ANTXR1: variants seen among roughly 807,000 people sequenced by gnomAD.
ANTXR1 encodes anthrax toxin receptor 1.
A neutral mutation model predicts 78.1 loss-of-function variants in ANTXR1; 19 were observed. The ratio of observed to expected loss-of-function variants is 0.24; its 90% confidence interval spans 0.17 to 0.36. The LOEUF (loss-of-function observed/expected upper bound fraction) is 0.36. Among genes scored for constraint, ANTXR1 ranks in the 10% least tolerant of loss-of-function variants. The probability of loss-of-function intolerance (pLI) is 1.00; values close to 1 mark genes in which losing one functional copy is unlikely to be tolerated. For missense variants in ANTXR1, 518 were observed against 718.6 expected, an observed-to-expected ratio of 0.72 and a Z score of 3.19; for synonymous variants, 273 against 260.5, an observed-to-expected ratio of 1.05 and a Z score of -0.46.
intron 8 of ANTXR1, among the ~76,000 whole-genome samples, chr2:69,084,152 A>G (rs1014060770): frequency 2.0e-5 from 3 of 152,250 alleles, no homozygotes; most frequent in African/African-American, 7.2e-5. Context: ...GCAGAATTTT[A>G]GAACGAAATC....
chr2:69,096,853 C>T (rs1179421734), intron 9 of ANTXR1, among the ~76,000 whole-genome samples: 1 of 152,198 alleles, frequency 6.6e-6, no homozygotes, highest in Non-Finnish European at 1.5e-5. Flanking sequence ...CCATACTCCT[C>T]ACCACTCTCC....
intron 10 of ANTXR1, among the ~76,000 whole-genome samples, chr2:69,122,560 G>T (rs2104374451): frequency 6.6e-6 from 1 of 152,046 alleles, no homozygotes; most frequent in Middle Eastern, 3.4e-3. Context: ...ACTGCTAATG[G>T]GTTTTACAGC....
rs149225070 is a variant in ANTXR1 at position 69,129,491 on chromosome 2, C to T, written c.951+4848C>T. Among the ~76,000 whole-genome samples, 272 of 152,210 alleles carry T rather than the reference C, an allele frequency of 1.8e-3. 2 individuals are homozygous for T. In the Middle Eastern group the frequency reaches 0.02, roughly 11 times the overall value. On this transcript the variant is annotated intron_variant, in intron 12 of 17. Transcript: ENST00000303714. Reference sequence around the variant, plus strand: ...ATAATAGGCCGGGCGTGGTGTCTCACGCCTGTAATCCCAGCACTTTCAGAG... The same window carrying T: ...ATAATAGGCCGGGCGTGGTGTCTCATGCCTGTAATCCCAGCACTTTCAGAG...
At position 69,249,009 on chromosome 2, in the gene ANTXR1, T is replaced by A. The variant is rs998320373; in HGVS notation, c.*3524T>A. 6.6e-6 allele frequency: 1 copy of A among 152,232 alleles called. No homozygotes were observed. Among genetic ancestry groups the A allele is most frequent in the Non-Finnish European group, 1.5e-5 (1 of 68,040 alleles). The allele number at this position is 152,232 out of a possible 1,614,324, so 9.4% of individuals were successfully genotyped here. A position where few individuals can be genotyped will look rare whatever the true frequency, so the allele number is the denominator to read the frequency against. On this transcript the variant is annotated 3_prime_UTR_variant, in exon 18 of 18. Transcript: ENST00000303714. ...TAAACTCTTCTAACTTTCTTCTTTC[T>A]GTGATAATTCAGAAGATAGTTATGG...
chr2:69,055,285 T>C (rs1380445767), intron 3 of ANTXR1, among the ~76,000 whole-genome samples: 1 of 152,132 alleles, frequency 6.6e-6, no homozygotes, highest in Non-Finnish European at 1.5e-5. Context: ...TATCCCTATA[T>C]AGAGGGATGC....
In ANTXR1 at chr2:69,013,719, G is replaced by A; in HGVS notation, c.152+68G>A. The A allele has an allele frequency of 6.4e-7, 1 of 1,550,722 alleles. No individual in the cohort carries two copies. Among genetic ancestry groups the A allele is most frequent in the Non-Finnish European group, 8.7e-7 (1 of 1,146,482 alleles). ...CGAAAACGCTTTCGCCCCGGGCCGG[G>A]CTCGTTGGCAGGGTCGCCTGGGGAC... is the stretch of plus-strand genomic sequence containing the variant. On this transcript the variant is annotated intron_variant, in intron 1 of 17. Coordinates refer to ENST00000303714, the MANE Select transcript of ANTXR1 (RefSeq NM_032208.3). The surrounding 1 kb of genome is among the most constrained non-coding windows in gnomAD (Gnocchi z 5.0).
intron 14 of ANTXR1, chr2:69,172,222 A>G (rs910565910): frequency 3.0e-6 from 2 of 670,700 alleles, no homozygotes; most frequent in Non-Finnish European, 5.3e-6. Flanking sequence ...TCAAGAAACT[A>G]CCCAAACTGG....
intron 17 of ANTXR1, among the ~76,000 whole-genome samples, chr2:69,231,833 G>A (rs1014522356): frequency 4.6e-5 from 7 of 152,114 alleles, no homozygotes; most frequent in African/African-American, 1.7e-4. Flanking sequence ...AGGCCTCAGA[G>A]GCAGGCTCAA....
intron 10 of ANTXR1, among the ~76,000 whole-genome samples, chr2:69,118,020 G>A (rs1672208260): frequency 6.6e-6 from 1 of 152,140 alleles, no homozygotes; most frequent in South Asian, 2.1e-4. Context: ...GACTCCTATA[G>A]ACAGATGCCT....
At chr2:69,094,802 C>A (rs1200523540) in intron 9 of ANTXR1, among the ~76,000 whole-genome samples, 2 of 152,208 alleles carry the variant, frequency 1.3e-5, no homozygotes, top group African/African-American at 4.8e-5. Flanking sequence ...CTGCACATAA[C>A]AAGGTGTAAT....
At chr2:69,111,017 C>T (rs1258631271) in intron 10 of ANTXR1, among the ~76,000 whole-genome samples, 1 of 152,208 alleles carries the variant, frequency 6.6e-6, no homozygotes, top group African/African-American at 2.4e-5. Context: ...TTCTTTCCAT[C>T]TATCTGTGTT....
rs1247981264 is a variant in ANTXR1, at chr2:69,083,755, TCTCCC to T, written c.642+6276_642+6280del. 2.6e-5 allele frequency among the ~76,000 whole-genome samples: 4 copies of T among 152,160 alleles called. No individual in the cohort carries two copies. In the East Asian group the frequency reaches 5.8e-4, roughly 22 times the overall value. ...CGTTTCTTGTAAAATCCCCTCAGCC[TCTCCC>T]CTCCCCTCTCTTCCAAGATTGCATC... On this transcript the variant is annotated intron_variant, in intron 8 of 17. Transcript: ENST00000303714.
intron 10 of ANTXR1, among the ~76,000 whole-genome samples, chr2:69,121,655 CT>C (rs1672350016): frequency 6.6e-6 from 1 of 152,188 alleles, no homozygotes; most frequent in African/African-American, 2.4e-5. Context: ...GAATATTATC[CT>C]TTAATAATAT....
At chr2:69,175,134 C>T (rs188743040) in intron 14 of ANTXR1, among the ~76,000 whole-genome samples, 100 of 152,332 alleles carry the variant, frequency 6.6e-4, no homozygotes, top group Non-Finnish European at 8.4e-4. Flanking sequence ...GTCTCTGACC[C>T]GTGTCACTCA....
intron 3 of ANTXR1, among the ~76,000 whole-genome samples, chr2:69,045,213 A>G (rs954026712): frequency 5.9e-5 from 9 of 152,216 alleles, no homozygotes; most frequent in Non-Finnish European, 1.3e-4. Context: ...AAGAGCTTGA[A>G]ATATTTACTG....
chr2:69,050,062 G>A (rs1669882776), intron 3 of ANTXR1, among the ~76,000 whole-genome samples: 1 of 152,130 alleles, frequency 6.6e-6, no homozygotes, highest in Admixed American at 6.6e-5. Flanking sequence ...GGGAAGCTGA[G>A]GTGAGAGGAT....
chr2:69,101,911 C>T (rs1051644018), intron 9 of ANTXR1, among the ~76,000 whole-genome samples: 1 of 152,210 alleles, frequency 6.6e-6, no homozygotes, highest in Admixed American at 6.5e-5. Context: ...AAACATTTAG[C>T]CAACTAATTA....
intron 17 of ANTXR1, among the ~76,000 whole-genome samples, chr2:69,230,569 C>T (rs1573992909): frequency 6.6e-6 from 1 of 152,030 alleles, no homozygotes; most frequent in Admixed American, 6.6e-5. Context: ...TTAAGATTTT[C>T]AAGTCAAAAT....
At chr2:69,018,269 G>C (rs1197375426) in intron 1 of ANTXR1, among the ~76,000 whole-genome samples, 2 of 152,060 alleles carry the variant, frequency 1.3e-5, no homozygotes, top group African/African-American at 4.8e-5. Context: ...TTTCCCTTCT[G>C]TTCGGCACCA....
Sources: allele counts gnomAD v4.1 joint callset (sites outside exome capture counted in the v4.1 genomes callset), GRCh38; gene constraint gnomAD v4.1.1; non-coding constraint Gnocchi (gnomAD v3.1); transcripts MANE v1.5; gene names NCBI Gene and HGNC (gene_info 2026-07-23, HGNC 2026-07-21).